The following RNF130 variants were observed in gnomAD, a reference collection of about 807,000 sequenced individuals.
The protein encoded by RNF130 is ring finger protein 130.
RNF130 carries 21 observed loss-of-function variants against 44.6 expected under a neutral mutation model. That is an observed-to-expected ratio of 0.47 (90% CI 0.33 to 0.68). The LOEUF is 0.68. Ranked by LOEUF, RNF130 falls within the 30% of genes least tolerant of loss-of-function variation. The pLI, the probability that RNF130 is intolerant of heterozygous loss-of-function variation, is 0.02. For missense variants in RNF130, 479 were observed against 560.6 expected (o/e 0.85, Z 1.47); for synonymous variants, 214 against 210.4 (o/e 1.02, Z -0.15).
In RNF130 at chr5:179,966,886, A is replaced by G. The variant is rs1582147556; in HGVS notation, c.1070T>C (p.Leu357Pro). 6.2e-7 allele frequency: 1 copy of G among 1,614,188 alleles called. No homozygotes were observed. Among genetic ancestry groups the G allele is most frequent in the East Asian group, 2.2e-5 (1 of 44,880 alleles). The change falls in exon 7 of 9, where the codon CTT becomes CCT. Residue 357 changes from leucine (L) to proline (P), a missense_variant. Leu to Pro is a moderately conservative substitution (Grantham distance 98). This residue lies in a region of RNF130 where 161 missense variants were observed against 158.6 expected (regional missense o/e 1.02). Coordinates refer to ENST00000521389, the MANE Select transcript of RNF130 (RefSeq NM_018434.6). ...AAGAGGTGAGATCCCCGAAGTTCGA[A>G]GTGGCTCAAGGCCAAGGGAGTTGTC... ...AGDNSLGLEP[L>P]RTSGISPLPQ...
At chr5:179,966,054 A>G (rs193026785) in intron 7 of RNF130, among the ~76,000 whole-genome samples, 53 of 152,308 alleles carry the variant, frequency 3.5e-4, no homozygotes, top group African/African-American at 8.9e-4. Flanking sequence ...AGGAACATGT[A>G]GAGAATGGAA....
At chr5:179,963,031 C>G in intron 8 of RNF130, among the ~76,000 whole-genome samples, 1 of 152,240 alleles carries the variant, frequency 6.6e-6, no homozygotes, top group East Asian at 1.9e-4. Flanking sequence ...GCCAAGTACC[C>G]AAGGCACTGG....
Position 180,057,626 on chromosome 5 carries a change from T to C in RNF130, c.247+13830A>G, listed in dbSNP as rs181658423. Among the ~76,000 whole-genome samples the C allele has an allele frequency of 2.8e-4, 42 of 152,246 alleles. No individual in the cohort carries two copies. The East Asian group carries it at 7.9e-3, about 29-fold the overall frequency. ...CAACAGGGTTCAGGTAGCTTTGGGC[T>C]AGGCGTATGCCAAGAGGATTATTAC... On this transcript the variant is annotated intron_variant, in intron 1 of 8. Transcript: ENST00000521389.
intron 1 of RNF130, among the ~76,000 whole-genome samples, chr5:180,055,272 A>AC (rs1561709639): frequency 2.1e-4 from 4 of 18,950 alleles, no homozygotes; most frequent in South Asian, 2.4e-3. Flanking sequence ...AAAAAAAAAA[A>AC]AAAAAAAACA....
chr5:180,051,270 G>A (rs926241173), intron 1 of RNF130, among the ~76,000 whole-genome samples: 1 of 24,258 alleles, frequency 4.1e-5, no homozygotes, highest in East Asian at 2.5e-3. Context: ...ATTTATTTGA[G>A]ACAGAGTCTC....
chr5:180,023,441 G>T (rs1447204109), intron 2 of RNF130, among the ~76,000 whole-genome samples: 1 of 152,090 alleles, frequency 6.6e-6, no homozygotes, highest in Non-Finnish European at 1.5e-5. Flanking sequence ...TACTGATAAA[G>T]TTCAATAATG....
chr5:180,041,951 G>T (rs894225339), intron 1 of RNF130, among the ~76,000 whole-genome samples: 1 of 152,054 alleles, frequency 6.6e-6, no homozygotes, highest in Non-Finnish European at 1.5e-5. Flanking sequence ...ATCTGAATTC[G>T]CAGCTACTGG....
chr5:179,949,843 AC>A (rs1762098952), intron 7 of RNF130, among the ~76,000 whole-genome samples: 1 of 152,096 alleles, frequency 6.6e-6, no homozygotes, highest in Non-Finnish European at 1.5e-5. Flanking sequence ...TCAGATCACC[AC>A]CCCTCCTCAA....
intron 2 of RNF130, among the ~76,000 whole-genome samples, chr5:180,029,988 T>C (rs1418282915): frequency 6.6e-6 from 1 of 151,790 alleles, no homozygotes; most frequent in Non-Finnish European, 1.5e-5. Context: ...GCTGGGACTA[T>C]AGGTGTGTAC....
chr5:179,985,861 T>C (rs915571396), intron 3 of RNF130, among the ~76,000 whole-genome samples: 1 of 152,200 alleles, frequency 6.6e-6, no homozygotes, highest in Non-Finnish European at 1.5e-5. Flanking sequence ...TTCATCAATA[T>C]TAAAAATCCG....
chr5:180,034,742 A>G (rs1451728269), intron 2 of RNF130, among the ~76,000 whole-genome samples: 1 of 152,206 alleles, frequency 6.6e-6, no homozygotes, highest in Non-Finnish European at 1.5e-5. Flanking sequence ...ATTACCTAAT[A>G]AGAGTGACTC....
chr5:180,027,982 T>A (rs1764029958), intron 2 of RNF130, among the ~76,000 whole-genome samples: 1 of 152,240 alleles, frequency 6.6e-6, no homozygotes, highest in Non-Finnish European at 1.5e-5. Flanking sequence ...TCCTCCCGTG[T>A]TACTAAGCGA....
In RNF130 at chr5:180,004,941, T is replaced by C. The variant is rs549116394; in HGVS notation, c.693+8120A>G. ...ACCACCATTTTTTCCCATTTTTTTT[T>C]CTCAAAAGAAGCCTCTGTTAACTCT... On this transcript the variant is annotated intron_variant, in intron 3 of 8. Transcript: ENST00000521389. Among the ~76,000 whole-genome samples the C allele has an allele frequency of 1.8e-4, 28 of 152,328 alleles. No individual in the cohort carries two copies. The South Asian group carries it at 4.8e-3, about 26-fold the overall frequency.
chr5:179,914,927 G>C (rs934042829), exon 8 of RNF130: 2 of 152,218 alleles, frequency 1.3e-5, no homozygotes, highest in Non-Finnish European at 2.9e-5. Context: ...AGTTACTCGG[G>C]AGGCAGAGGT....
At chr5:179,992,595 G>T (rs574059246) in intron 3 of RNF130, among the ~76,000 whole-genome samples, 4 of 151,298 alleles carry the variant, frequency 2.6e-5, no homozygotes, top group East Asian at 3.9e-4. Context: ...GTGTTTTTTT[G>T]GGGGGGTGTC....
intron 7 of RNF130, among the ~76,000 whole-genome samples, chr5:179,927,275 A>G (rs1761719760): frequency 6.6e-6 from 1 of 152,162 alleles, no homozygotes; most frequent in South Asian, 2.1e-4. Context: ...AGCACACATA[A>G]TTTTTGACAC....
rs377232541 is a variant in RNF130, at chr5:179,958,152, T to C, written c.1245-2483A>G. Among the ~76,000 whole-genome samples, 51 of 152,284 alleles carry C rather than the reference T, an allele frequency of 3.3e-4. No individual in the cohort carries two copies. In the East Asian group the frequency reaches 6.0e-3, roughly 18 times the overall value. On this transcript the variant is annotated intron_variant, in intron 8 of 8. Transcript: ENST00000521389. ...TCGGTCTCCCAAAGTGCTGGGATTA[T>C]AGGCGTGAGCCACCGCGCCCGGCCA...
intron 3 of RNF130, among the ~76,000 whole-genome samples, chr5:179,988,913 G>T (rs1409391759): frequency 6.6e-6 from 1 of 152,224 alleles, no homozygotes; most frequent in Non-Finnish European, 1.5e-5. Flanking sequence ...ATATAGTACA[G>T]TTCAAATCCA....
chr5:180,005,593 T>C (rs1763447937), intron 3 of RNF130, among the ~76,000 whole-genome samples: 2 of 152,194 alleles, frequency 1.3e-5, no homozygotes, highest in African/African-American at 4.8e-5. Context: ...GTTTCAGTCA[T>C]TCAACTCTTT....
Sources: allele counts gnomAD v4.1 joint callset (sites outside exome capture counted in the v4.1 genomes callset), GRCh38; gene constraint gnomAD v4.1.1; regional missense constraint gnomAD v4.1.1; transcripts MANE v1.5; gene names NCBI Gene and HGNC (gene_info 2026-07-23, HGNC 2026-07-21).